PDZRN4: variants seen among roughly 807,000 people sequenced by gnomAD.
PDZRN4 encodes PDZ domain-containing RING finger protein 4.
PDZRN4 carries 70 observed loss-of-function variants against 99.0 expected under a neutral mutation model. That is an observed-to-expected ratio of 0.71 (90% CI 0.58 to 0.86). The LOEUF (loss-of-function observed/expected upper bound fraction) is 0.86. PDZRN4 is among the 40% of genes least tolerant of loss of function. The pLI, the probability that PDZRN4 is intolerant of heterozygous loss-of-function variation, is 0.00. For missense variants in PDZRN4, 1,474 were observed against 1,331.2 expected (o/e 1.11, Z -1.67); for synonymous variants, 551 against 501.6 (o/e 1.10, Z -1.32).
chr12:41,295,836 T>C lies in PDZRN4; in HGVS notation c.843+101648T>C, dbSNP rs186742991. Among the ~76,000 whole-genome samples, 221 of 152,226 alleles carry C rather than the reference T, an allele frequency of 1.5e-3. 1 individual carries two copies. The highest frequency in any genetic ancestry group is 2.4e-3 in the Non-Finnish European group (162 of 68,012). On this transcript the variant is annotated intron_variant, in intron 3 of 9. Coordinates refer to ENST00000402685, the MANE Select transcript of PDZRN4 (RefSeq NM_001164595.2). ...AAGCTTGGGTGGAAGAATGGTGAAATTATGGATGCTTTGCAAAAAGTTTAT... is the reference window on the plus strand; with the variant it reads ...AAGCTTGGGTGGAAGAATGGTGAAACTATGGATGCTTTGCAAAAAGTTTAT...
chr12:41,325,142 AC>A (rs1951701822), intron 3 of PDZRN4, among the ~76,000 whole-genome samples: 1 of 152,184 alleles, frequency 6.6e-6, no homozygotes, highest in Admixed American at 6.5e-5. Context: ...CATGATTATT[AC>A]CTTTTTCTCT....
At chr12:41,365,949 C>G (rs551612115) in intron 3 of PDZRN4, among the ~76,000 whole-genome samples, 34 of 152,206 alleles carry the variant, frequency 2.2e-4, no homozygotes, top group South Asian at 6.2e-4. Context: ...TACTGAAATA[C>G]CTATTGAAAG....
At chr12:41,304,138 G>T (rs1268171537) in intron 3 of PDZRN4, among the ~76,000 whole-genome samples, 1 of 152,170 alleles carries the variant, frequency 6.6e-6, no homozygotes, top group Non-Finnish European at 1.5e-5. Flanking sequence ...ATGCATTCTG[G>T]TGGCATATAG....
At chr12:41,556,794 T>C (rs1210750110) in intron 7 of PDZRN4, among the ~76,000 whole-genome samples, 2 of 152,146 alleles carry the variant, frequency 1.3e-5, no homozygotes, top group African/African-American at 2.4e-5. Context: ...TGAAAGCCAG[T>C]TTCTATCCTA....
At position 41,568,912 on chromosome 12, in the gene PDZRN4, C is replaced by G. The variant is rs1455178196; in HGVS notation, c.1584+1013C>G. Among the ~76,000 whole-genome samples the G allele has an allele frequency of 8.6e-5, 13 of 151,218 alleles. No homozygotes were observed. In the East Asian group the frequency reaches 2.5e-3, roughly 29 times the overall value. ...CTCCGCCTCCCGGGTTCAATTGATT[C>G]TCCTGCCTCAGCCTCCTGAGTAGCT... is the stretch of plus-strand genomic sequence containing the variant. On this transcript the variant is annotated intron_variant, in intron 9 of 9. Transcript: ENST00000402685.
intron 3 of PDZRN4, among the ~76,000 whole-genome samples, chr12:41,283,314 A>G (rs1951401693): frequency 6.6e-6 from 1 of 152,202 alleles, no homozygotes; most frequent in Admixed American, 6.5e-5. Flanking sequence ...TAAACCAGGA[A>G]GAAGTCAAAT....
chr12:41,514,883 A>G (rs1458000171), intron 5 of PDZRN4, among the ~76,000 whole-genome samples: 1 of 152,088 alleles, frequency 6.6e-6, no homozygotes, highest in African/African-American at 2.4e-5. Flanking sequence ...AAAAATAGGG[A>G]GACATAAGTA....
intron 3 of PDZRN4, chr12:41,437,782 A>G (rs1592059115): frequency 4.5e-6 from 7 of 1,542,520 alleles, no homozygotes; most frequent in East Asian, 2.3e-5. Context: ...GCTACACACC[A>G]CTCTGGCTTA....
chr12:41,210,416 A>C (rs1261051603), intron 3 of PDZRN4, among the ~76,000 whole-genome samples: 1 of 151,948 alleles, frequency 6.6e-6, no homozygotes, highest in Non-Finnish European at 1.5e-5. Context: ...GAAAGTGTTC[A>C]AGAAACAATA....
At position 41,204,828 on chromosome 12, in the gene PDZRN4, A is replaced by G. The variant is rs569217033; in HGVS notation, c.843+10640A>G. 2.4e-4 allele frequency among the ~76,000 whole-genome samples: 36 copies of G among 152,064 alleles called. 1 individual carries two copies. The South Asian group carries it at 7.3e-3, about 31-fold the overall frequency. On this transcript the variant is annotated intron_variant, in intron 3 of 9. Transcript: ENST00000402685. ...TCACCTTTTAAACTTGATTTGATAT[A>G]GTTAGAAGTACTATTGACACTGGAG...
intron 3 of PDZRN4, among the ~76,000 whole-genome samples, chr12:41,501,051 A>T (rs894044963): frequency 3.3e-5 from 5 of 152,148 alleles, no homozygotes; most frequent in African/African-American, 1.2e-4. Context: ...TCCAACCAGA[A>T]TTATAATACA....
intron 5 of PDZRN4, among the ~76,000 whole-genome samples, chr12:41,541,315 C>A (rs1174485661): frequency 6.6e-6 from 1 of 151,994 alleles, no homozygotes; most frequent in Non-Finnish European, 1.5e-5. Flanking sequence ...AACTCTTGTG[C>A]CAAATATTTA....
At chr12:41,351,506 T>C (rs1192584283) in intron 3 of PDZRN4, among the ~76,000 whole-genome samples, 2 of 152,036 alleles carry the variant, frequency 1.3e-5, no homozygotes, top group Non-Finnish European at 2.9e-5. Context: ...CTGCTTCTGG[T>C]GAGGCCTCAG....
chr12:41,233,732 G>A (rs1159688407), intron 3 of PDZRN4, among the ~76,000 whole-genome samples: 6 of 151,672 alleles, frequency 4.0e-5, no homozygotes, highest in African/African-American at 1.5e-4. Context: ...GGTGGGAATT[G>A]AACAATGAGA....
chr12:41,199,382 A>C (rs1047051278), intron 3 of PDZRN4, among the ~76,000 whole-genome samples: 3 of 152,224 alleles, frequency 2.0e-5, no homozygotes, highest in African/African-American at 7.2e-5. Context: ...AATGTAGAGA[A>C]AAGAGAACAC....
chr12:41,340,649 G>A (rs1200393525), intron 3 of PDZRN4, among the ~76,000 whole-genome samples: 1 of 151,762 alleles, frequency 6.6e-6, no homozygotes, highest in Non-Finnish European at 1.5e-5. Flanking sequence ...CCTTTACCCT[G>A]ATGTGATTAT....
At position 41,502,383 on chromosome 12, in the gene PDZRN4, G is replaced by A. The variant is rs12299223; in HGVS notation, c.844-4073G>A. Among the ~76,000 whole-genome samples the A allele has an allele frequency of 5.3e-3, 801 of 152,130 alleles. 10 individuals are homozygous for A. The highest frequency in any genetic ancestry group is 0.018 in the African/African-American group (757 of 41,510). On this transcript the variant is annotated intron_variant, in intron 3 of 9. Coordinates refer to ENST00000402685, the MANE Select transcript of PDZRN4 (RefSeq NM_001164595.2). ...CTCTCAATCATTCGATATAACAACC[G>A]TTTTGGAAAAAGGCTCTTTTCCTAT... is the stretch of plus-strand genomic sequence containing the variant.
chr12:41,229,657 C>T (rs1393656522), intron 3 of PDZRN4, among the ~76,000 whole-genome samples: 2 of 152,068 alleles, frequency 1.3e-5, no homozygotes, highest in Non-Finnish European at 2.9e-5. Flanking sequence ...ACCTCTGGCA[C>T]CATTGGATAT....
At chr12:41,217,170 CTT>C (rs1950926726) in intron 3 of PDZRN4, among the ~76,000 whole-genome samples, 1 of 152,036 alleles carries the variant, frequency 6.6e-6, no homozygotes, top group Admixed American at 6.6e-5. Context: ...GACTTTCAGT[CTT>C]CAGGTTCAAG....
Sources: allele counts gnomAD v4.1 joint callset (sites outside exome capture counted in the v4.1 genomes callset), GRCh38; gene constraint gnomAD v4.1.1; transcripts MANE v1.5; gene names NCBI Gene and HGNC (gene_info 2026-07-23, HGNC 2026-07-21).